Variants in PARD3B observed in about 807,000 individuals in gnomAD.
PARD3B encodes partitioning defective 3 homolog B.
Under a neutral mutation model 130.2 loss-of-function variants are expected in PARD3B, and 103 were observed. The observed-to-expected ratio is 0.79, with a 90% confidence interval of 0.67 to 0.93. The LOEUF is 0.93. Ranked by LOEUF, PARD3B falls within the 40% of genes least tolerant of loss-of-function variation. The pLI is 0.00. For synonymous variants in PARD3B, 583 were observed against 553.2 expected (o/e 1.05, Z -0.76); for missense variants, 1,609 against 1,499.2 (o/e 1.07, Z -1.21).
At chr2:204,554,570 G>A (rs555544316) in intron 1 of PARD3B, among the ~76,000 whole-genome samples, 23 of 150,804 alleles carry the variant, frequency 1.5e-4, no homozygotes, top group Non-Finnish European at 3.1e-4. Context: ...CTACTTTTCA[G>A]TCTCTTTCCT....
At chr2:204,653,918 C>A (rs777415060) in intron 1 of PARD3B, among the ~76,000 whole-genome samples, 1 of 150,996 alleles carries the variant, frequency 6.6e-6, no homozygotes, top group Non-Finnish European at 1.5e-5. Context: ...CTGATGACAA[C>A]GTACACTATT....
At chr2:204,581,073 A>G (rs1391823835) in intron 1 of PARD3B, among the ~76,000 whole-genome samples, 1 of 152,172 alleles carries the variant, frequency 6.6e-6, no homozygotes, top group African/African-American at 2.4e-5. Context: ...AAGCCAATAG[A>G]TGTATCACAC....
chr2:205,139,036 AG>A (rs2032725558), intron 10 of PARD3B, among the ~76,000 whole-genome samples: 1 of 152,178 alleles, frequency 6.6e-6, no homozygotes, highest in African/African-American at 2.4e-5. Flanking sequence ...TGGAGGTTTC[AG>A]TGTATTCTCC....
At chr2:204,711,639 A>T (rs1177578216) in intron 2 of PARD3B, among the ~76,000 whole-genome samples, 3 of 151,752 alleles carry the variant, frequency 2.0e-5, no homozygotes, top group African/African-American at 7.3e-5. Context: ...TCTGCCTCCC[A>T]GGTTCAAGTG....
intron 4 of PARD3B, among the ~76,000 whole-genome samples, chr2:205,097,505 C>T (rs1702471124): frequency 6.6e-6 from 1 of 152,110 alleles, no homozygotes; most frequent in Admixed American, 6.6e-5. Flanking sequence ...TAGGATTTTT[C>T]CTGAGTCTCA....
At chr2:204,788,243 A>T (rs2042079276) in intron 2 of PARD3B, among the ~76,000 whole-genome samples, 1 of 152,228 alleles carries the variant, frequency 6.6e-6, no homozygotes, top group Non-Finnish European at 1.5e-5. Flanking sequence ...GATACTTTTC[A>T]AAGAAGATAG....
chr2:204,580,057 A>G (rs1449662898), intron 1 of PARD3B, among the ~76,000 whole-genome samples: 1 of 152,174 alleles, frequency 6.6e-6, no homozygotes. Context: ...TTGTTCGTTC[A>G]TTCATCATGC....
At chr2:205,070,480 T>A (rs1381290521) in intron 4 of PARD3B, among the ~76,000 whole-genome samples, 1 of 152,114 alleles carries the variant, frequency 6.6e-6, no homozygotes, top group African/African-American at 2.4e-5. Context: ...TCATTTTGCA[T>A]GAATTTAATT....
chr2:205,374,749 A>C (rs2105916609), intron 18 of PARD3B, among the ~76,000 whole-genome samples: 1 of 152,276 alleles, frequency 6.6e-6, no homozygotes, highest in African/African-American at 2.4e-5. Context: ...AGTATGACAG[A>C]GTTTGAAAGA....
intron 20 of PARD3B, among the ~76,000 whole-genome samples, chr2:205,483,810 T>A (rs1284172985): frequency 6.6e-6 from 1 of 152,172 alleles, no homozygotes; most frequent in East Asian, 1.9e-4. Context: ...GCTTATATTT[T>A]ATGTAGAATT....
rs1048874202 is a variant in PARD3B at position 205,440,880 on chromosome 2, T to C, written c.3044+208T>C. On this transcript the variant is annotated intron_variant, in intron 20 of 22. Coordinates refer to ENST00000406610, the MANE Select transcript of PARD3B (RefSeq NM_001302769.2). The surrounding 1 kb of genome is among the most constrained non-coding windows in gnomAD (Gnocchi z 4.2). ...CCAATTGTAAGGTGGCATGAATGAA[T>C]AGTAGTAGCAGAGTTCATGATGCAA... 3.9e-5 allele frequency among the ~76,000 whole-genome samples: 6 copies of C among 152,130 alleles called. No homozygotes were observed. The highest frequency in any genetic ancestry group is 7.4e-5 in the Non-Finnish European group (5 of 68,022).
At chr2:205,500,937 G>C (rs1235754212) in intron 21 of PARD3B, among the ~76,000 whole-genome samples, 1 of 152,182 alleles carries the variant, frequency 6.6e-6, no homozygotes, top group Non-Finnish European at 1.5e-5. Flanking sequence ...AGGGGACTCT[G>C]TTATCCCCGG....
At chr2:204,850,645 C>T (rs1189752416) in intron 2 of PARD3B, among the ~76,000 whole-genome samples, 1 of 152,082 alleles carries the variant, frequency 6.6e-6, no homozygotes, top group Non-Finnish European at 1.5e-5. Flanking sequence ...TGTTAGTGGG[C>T]AGTGCTGGCA....
intron 2 of PARD3B, among the ~76,000 whole-genome samples, chr2:204,854,268 G>A (rs2044829675): frequency 6.6e-6 from 1 of 152,146 alleles, no homozygotes; most frequent in African/African-American, 2.4e-5. Flanking sequence ...TGGAAGTAGT[G>A]CTGTTCAGTA....
intron 3 of PARD3B, among the ~76,000 whole-genome samples, chr2:205,039,355 C>G (rs925414121): frequency 6.6e-6 from 1 of 152,268 alleles, no homozygotes; most frequent in African/African-American, 2.4e-5. Flanking sequence ...CAGATATGTC[C>G]TTGTGACCAT....
At position 205,275,899 on chromosome 2, in the gene PARD3B, T is replaced by A. The variant is rs1220558113; in HGVS notation, c.2186-24631T>A. On this transcript the variant is annotated intron_variant, in intron 16 of 22. Coordinates refer to ENST00000406610, the MANE Select transcript of PARD3B (RefSeq NM_001302769.2). Reference sequence around the variant, plus strand: ...ATGTCCTAATGAGAGAAAAGAAATTTAGCAGGGATCTTTTCATATCAATAT... The same window carrying A: ...ATGTCCTAATGAGAGAAAAGAAATTAAGCAGGGATCTTTTCATATCAATAT... Among the ~76,000 whole-genome samples the A allele has an allele frequency of 2.7e-5, 4 of 150,730 alleles. No individual in the cohort carries two copies. The East Asian group carries it at 7.8e-4, about 29-fold the overall frequency.
intron 2 of PARD3B, among the ~76,000 whole-genome samples, chr2:204,687,575 A>G (rs2037148394): frequency 6.6e-6 from 1 of 152,102 alleles, no homozygotes; most frequent in African/African-American, 2.4e-5. Flanking sequence ...TACTTTCTAC[A>G]CTTGACTCTT....
In PARD3B at chr2:205,035,821, C is replaced by CTA. The variant is rs1559374232; in HGVS notation, c.395-11754_395-11753dup. The stretch of plus-strand genomic sequence containing the variant: ...CTCATATATATATATATATATATAT[C>CTA]TATATATCTATATATATATATATAG... On this transcript the variant is annotated intron_variant, in intron 3 of 22. Coordinates refer to ENST00000406610, the MANE Select transcript of PARD3B (RefSeq NM_001302769.2). Among the ~76,000 whole-genome samples, 49 of 5,786 alleles carry CTA rather than the reference C, an allele frequency of 8.5e-3. 1 individual carries two copies. Among genetic ancestry groups the CTA allele is most frequent in the African/African-American group, 0.027 (46 of 1,732 alleles). The allele number at this position is 5,786 out of a possible 152,430, so 3.8% of individuals were successfully genotyped here.
intron 18 of PARD3B, among the ~76,000 whole-genome samples, chr2:205,377,753 G>T (rs2045119057): frequency 7.1e-6 from 1 of 140,626 alleles, no homozygotes; most frequent in Non-Finnish European, 1.5e-5. Context: ...GTATCACATG[G>T]TGTAATCCAA....
Sources: allele counts gnomAD v4.1 joint callset (sites outside exome capture counted in the v4.1 genomes callset), GRCh38; gene constraint gnomAD v4.1.1; non-coding constraint Gnocchi (gnomAD v3.1); transcripts MANE v1.5; gene names NCBI Gene and HGNC (gene_info 2026-07-23, HGNC 2026-07-21).